STK38L: variants seen among roughly 807,000 people sequenced by gnomAD.
STK38L encodes the protein serine/threonine-protein kinase 38-like.
STK38L carries 28 observed loss-of-function variants against 59.7 expected under a neutral mutation model. The ratio of observed to expected loss-of-function variants is 0.47; its 90% CI spans 0.35 to 0.64. The LOEUF (loss-of-function observed/expected upper bound fraction) is 0.64. STK38L is among the 30% of genes least tolerant of loss of function. The pLI is 0.01. For missense variants in STK38L, 314 were observed against 555.8 expected, an observed-to-expected ratio of 0.56 and a Z score of 4.37; for synonymous variants, 162 against 176.8, an observed-to-expected ratio of 0.92 and a Z score of 0.66.
At chr12:27,301,858 A>G (rs1944181869) in intron 2 of STK38L, among the ~76,000 whole-genome samples, 1 of 152,228 alleles carries the variant, frequency 6.6e-6, no homozygotes, top group African/African-American at 2.4e-5. Flanking sequence ...AGAGTTTTCC[A>G]TATTAGAACA....
chr12:27,302,157 C>T lies in STK38L; in HGVS notation c.155C>T (p.Ala52Val), dbSNP rs148355950. ...AAAAGGCAGAAGAAATTAGAAGTGG[C>T]CATGGAAGAAGAAGGATTAGCAGAT... ...RETRQKKLEV[A>V]MEEEGLADEE... The change falls in exon 3 of 14, where the codon GCC becomes GTC. Residue 52 changes from alanine (A) to valine (V), a missense_variant. Ala to Val is a moderately conservative substitution (Grantham distance 64). Coordinates refer to ENST00000389032, the MANE Select transcript of STK38L (RefSeq NM_015000.4). 102 of 1,601,716 alleles carry T rather than the reference C, an allele frequency of 6.4e-5. No homozygotes were observed. The African/African-American group carries it at 1.2e-3, about 19-fold the overall frequency.
intron 1 of STK38L, among the ~76,000 whole-genome samples, chr12:27,273,976 C>G (rs1349166135): frequency 6.6e-6 from 1 of 151,944 alleles, no homozygotes; most frequent in Non-Finnish European, 1.5e-5. Flanking sequence ...CTTTTTGGGC[C>G]GGGTGCGGTG....
chr12:27,295,934 C>T (rs1944009245), intron 1 of STK38L, among the ~76,000 whole-genome samples: 3 of 152,066 alleles, frequency 2.0e-5, no homozygotes, highest in African/African-American at 7.2e-5. Context: ...CATGAAAGAG[C>T]TAGGTATGTT....
chr12:27,292,746 AT>A (rs1236430071), intron 1 of STK38L, among the ~76,000 whole-genome samples: 1 of 152,248 alleles, frequency 6.6e-6, no homozygotes, highest in African/African-American at 2.4e-5. Context: ...AAAGAACATC[AT>A]AATCATTACT....
chr12:27,281,905 G>A (rs9971814), intron 1 of STK38L, among the ~76,000 whole-genome samples: 118,599 of 151,914 alleles, frequency 0.78, 46,532 homozygotes, highest in Non-Finnish European at 0.83. Flanking sequence ...GCGTGATGGC[G>A]GGCACCTGTA....
In STK38L at chr12:27,302,918, C is replaced by T. The variant is rs1245399848; in HGVS notation, c.186+730C>T. ...GTCCCAGCTACTCAGGAGGCTGAGG[C>T]AGGAGAATGGTGTGAACCCGGGAGG... is the stretch of plus-strand genomic sequence containing the variant. On this transcript the variant is annotated intron_variant, in intron 3 of 13. Transcript: ENST00000389032. 2.7e-5 allele frequency among the ~76,000 whole-genome samples: 4 copies of T among 150,198 alleles called. No homozygotes were observed. The East Asian group carries it at 7.8e-4, about 29-fold the overall frequency.
chr12:27,305,483 A>T (rs1442652580), intron 3 of STK38L, among the ~76,000 whole-genome samples: 1 of 152,154 alleles, frequency 6.6e-6, no homozygotes, highest in Non-Finnish European at 1.5e-5. Context: ...AGCCTGGATT[A>T]TATCAAATTC....
intron 1 of STK38L, among the ~76,000 whole-genome samples, chr12:27,264,978 G>T (rs1055853561): frequency 6.6e-6 from 1 of 152,170 alleles, no homozygotes; most frequent in Non-Finnish European, 1.5e-5. Context: ...TAGGAAAAGA[G>T]CTCTCTGTGA....
chr12:27,291,589 T>G (rs1340285973), intron 1 of STK38L, among the ~76,000 whole-genome samples: 1 of 152,170 alleles, frequency 6.6e-6, no homozygotes, highest in Non-Finnish European at 1.5e-5. Context: ...AAACAATTAG[T>G]GAAAGTTAAT....
At position 27,325,433 on chromosome 12, in the gene STK38L, T is replaced by TC. The variant is rs1211438372; in HGVS notation, c.*2979dup. 8 of 152,184 alleles carry TC rather than the reference T, an allele frequency of 5.3e-5. No individual in the cohort carries two copies. Among genetic ancestry groups the TC allele is most frequent in the Admixed American group, 5.2e-4 (8 of 15,278 alleles). 9.4% of individuals were successfully genotyped at this position (152,184 alleles called of 1,614,324 possible). ...ATTGTATAAAACCTTAGACAATCAATCAGTCAGTCTTTACTGACAGGAGCA... is the reference window on the plus strand; with the variant it reads ...ATTGTATAAAACCTTAGACAATCAATCCAGTCAGTCTTTACTGACAGGAGCA... On this transcript the variant is annotated 3_prime_UTR_variant, in exon 14 of 14. Coordinates refer to ENST00000389032, the MANE Select transcript of STK38L (RefSeq NM_015000.4).
chr12:27,269,831 C>T lies in STK38L; in HGVS notation c.-12+25499C>T, dbSNP rs1264171069. On this transcript the variant is annotated intron_variant, in intron 1 of 13. Coordinates refer to ENST00000389032, the MANE Select transcript of STK38L (RefSeq NM_015000.4). ...CTGATTTTTGTATTTTTAGTAGAGA[C>T]GTTGTTTCGCCATGTTGGCCAGGCT... Among the ~76,000 whole-genome samples the T allele has an allele frequency of 2.0e-5, 3 of 152,024 alleles. No homozygotes were observed. The East Asian group carries it at 5.8e-4, about 29-fold the overall frequency.
intron 11 of STK38L, 96 bp downstream of exon 11, chr12:27,318,115 C>T: frequency 7.0e-7 from 1 of 1,422,044 alleles, no homozygotes; most frequent in Middle Eastern, 2.1e-4. Flanking sequence ...GAGGGGATAC[C>T]ACTGATGTAT....
At chr12:27,317,594 A>G (rs1565556841) in intron 10 of STK38L, 141 bp downstream of exon 10, 1 of 769,000 alleles carries the variant, frequency 1.3e-6, no homozygotes, top group Non-Finnish European at 2.1e-6. Context: ...TTAAATACAT[A>G]CTGATCAATA....
rs1944231794 is a variant in STK38L, at chr12:27,303,529, CT to C, written c.186+1342del. ...CTTGTTGAGCATTACATCTCCACAG[CT>C]GTCTGGCAGAGAGCTAGAATAAATA... On this transcript the variant is annotated intron_variant, in intron 3 of 13. Coordinates refer to ENST00000389032, the MANE Select transcript of STK38L (RefSeq NM_015000.4). 3.3e-5 allele frequency among the ~76,000 whole-genome samples: 5 copies of C among 152,298 alleles called. No homozygotes were observed. In the South Asian group the frequency reaches 1.0e-3, roughly 32 times the overall value.
intron 1 of STK38L, among the ~76,000 whole-genome samples, chr12:27,261,932 C>T (rs951567243): frequency 5.3e-5 from 8 of 152,222 alleles, no homozygotes. Flanking sequence ...GTATATATGG[C>T]ATACAGTTCT....
rs547628413 is a variant in STK38L, at chr12:27,280,334, G to T, written c.-11-17376G>T. On this transcript the variant is annotated intron_variant, in intron 1 of 13. Coordinates refer to ENST00000389032, the MANE Select transcript of STK38L (RefSeq NM_015000.4). ...TCCAGCTACCTTTTCTTTATTTTCTGTGAGAAATTGAGCAAGTTACTTGCC... is the reference window on the plus strand; with the variant it reads ...TCCAGCTACCTTTTCTTTATTTTCTTTGAGAAATTGAGCAAGTTACTTGCC... Among the ~76,000 whole-genome samples the T allele has an allele frequency of 2.6e-5, 4 of 152,222 alleles. No homozygotes were observed. In the East Asian group the frequency reaches 7.7e-4, roughly 29 times the overall value.
intron 1 of STK38L, chr12:27,297,231 A>G (rs1944046428): frequency 6.5e-6 from 1 of 152,758 alleles, no homozygotes; most frequent in Non-Finnish European, 1.5e-5. Flanking sequence ...TTATATGCAT[A>G]TTTGATACAA....
chr12:27,252,912 G>C (rs576982632), intron 1 of STK38L, among the ~76,000 whole-genome samples: 2 of 152,224 alleles, frequency 1.3e-5, no homozygotes, highest in South Asian at 4.2e-4. Flanking sequence ...ATAGATGTTT[G>C]GCCCTCCATT....
intron 1 of STK38L, among the ~76,000 whole-genome samples, chr12:27,276,109 A>T (rs1441521596): frequency 6.6e-6 from 1 of 152,142 alleles, no homozygotes; most frequent in Non-Finnish European, 1.5e-5. Context: ...ATTATGGAAA[A>T]ATTTAAGTAT....
Sources: allele counts gnomAD v4.1 joint callset (sites outside exome capture counted in the v4.1 genomes callset), GRCh38; gene constraint gnomAD v4.1.1; transcripts MANE v1.5; gene names NCBI Gene and HGNC (gene_info 2026-07-23, HGNC 2026-07-21).